Variants in ERC2 observed in about 807,000 individuals in gnomAD.
The protein encoded by ERC2 is ELKS/RAB6-interacting/CAST family member 2, also known as ERC protein 2.
Under a neutral mutation model 114.8 loss-of-function variants are expected in ERC2, and 42 were observed. That is an observed-to-expected ratio of 0.37 (90% confidence interval 0.29 to 0.47). ERC2 has a LOEUF of 0.47. Ranked by LOEUF, ERC2 falls within the 20% of genes least tolerant of loss-of-function variation. The pLI is 0.99. For missense variants in ERC2, 939 were observed against 1,150.7 expected (o/e 0.82, Z 2.66); for synonymous variants, 454 against 425.5 (o/e 1.07, Z -0.82).
chr3:56,361,836 A>C (rs1389729892), intron 2 of ERC2, among the ~76,000 whole-genome samples: 1 of 152,146 alleles, frequency 6.6e-6, no homozygotes, highest in East Asian at 1.9e-4. Context: ...ATACACAGGC[A>C]TGGGTGCCAG....
At chr3:55,756,074 C>A (rs774124703) in intron 14 of ERC2, among the ~76,000 whole-genome samples, 1 of 152,040 alleles carries the variant, frequency 6.6e-6, no homozygotes, top group African/African-American at 2.4e-5. Flanking sequence ...CTGAAAAATA[C>A]GTCAGGCAGA....
At chr3:56,165,448 C>G (rs1244483938) in intron 4 of ERC2, among the ~76,000 whole-genome samples, 2 of 151,128 alleles carry the variant, frequency 1.3e-5, no homozygotes, top group Admixed American at 1.3e-4. Flanking sequence ...TTAGGTATAT[C>G]TCCTAATGCT....
intron 17 of ERC2, among the ~76,000 whole-genome samples, chr3:55,679,987 G>C (rs1427021076): frequency 2.0e-5 from 3 of 152,150 alleles, no homozygotes; most frequent in Non-Finnish European, 4.4e-5. Context: ...CAGAGGGGAG[G>C]CATGGCAGGG....
At chr3:56,126,877 C>T (rs531033093) in intron 6 of ERC2, among the ~76,000 whole-genome samples, 1 of 131,412 alleles carries the variant, frequency 7.6e-6, no homozygotes, top group South Asian at 2.5e-4. Flanking sequence ...CAAGGCAAGG[C>T]AAGGCAAGAA....
intron 2 of ERC2, among the ~76,000 whole-genome samples, chr3:56,379,493 A>G (rs1576670378): frequency 6.6e-6 from 1 of 152,160 alleles, no homozygotes; most frequent in South Asian, 2.1e-4. Flanking sequence ...AGAAGGTACA[A>G]CTGTAATCCC....
At chr3:56,046,313 G>C (rs545294920) in intron 7 of ERC2, among the ~76,000 whole-genome samples, 3 of 152,248 alleles carry the variant, frequency 2.0e-5, no homozygotes, top group South Asian at 2.1e-4. Flanking sequence ...TGCCATTTAG[G>C]AGATACCCAC....
At chr3:55,559,683 C>A (rs908564981) in intron 17 of ERC2, among the ~76,000 whole-genome samples, 8 of 152,220 alleles carry the variant, frequency 5.3e-5, no homozygotes, top group African/African-American at 1.9e-4. Flanking sequence ...AGGACAACAC[C>A]CTCAGTCTAT....
chr3:55,576,116 G>A (rs2056967814), intron 17 of ERC2, among the ~76,000 whole-genome samples: 1 of 152,058 alleles, frequency 6.6e-6, no homozygotes, highest in South Asian at 2.1e-4. Context: ...TTTGAGACCA[G>A]CCTGGCCAAA....
chr3:55,964,515 T>C (rs1354166589), intron 12 of ERC2, among the ~76,000 whole-genome samples: 1 of 151,968 alleles, frequency 6.6e-6, no homozygotes, highest in Admixed American at 6.6e-5. Flanking sequence ...AGTTATACAC[T>C]CTTTAGGATC....
At chr3:56,306,003 C>A (rs1471874754) in intron 2 of ERC2, among the ~76,000 whole-genome samples, 1 of 152,106 alleles carries the variant, frequency 6.6e-6, no homozygotes, top group Non-Finnish European at 1.5e-5. Flanking sequence ...GCATGCACCA[C>A]CATGCTGGCT....
intron 5 of ERC2, among the ~76,000 whole-genome samples, chr3:56,141,414 T>A (rs991309835): frequency 6.6e-6 from 1 of 152,158 alleles, no homozygotes; most frequent in Non-Finnish European, 1.5e-5. Context: ...CACCATGTTC[T>A]AGAAGCTCAA....
At chr3:56,285,854 A>G (rs1319737643) in intron 3 of ERC2, among the ~76,000 whole-genome samples, 1 of 152,194 alleles carries the variant, frequency 6.6e-6, no homozygotes, top group African/African-American at 2.4e-5. Flanking sequence ...AAACACAGGT[A>G]TTTAAAAAGA....
At chr3:56,258,811 A>G (rs1352451240) in intron 3 of ERC2, among the ~76,000 whole-genome samples, 1 of 152,212 alleles carries the variant, frequency 6.6e-6, no homozygotes, top group Admixed American at 6.5e-5. Context: ...CATGTATCAT[A>G]GAGAGTGCCC....
At chr3:56,241,768 C>T (rs1416798872) in intron 3 of ERC2, among the ~76,000 whole-genome samples, 4 of 152,172 alleles carry the variant, frequency 2.6e-5, no homozygotes, top group African/African-American at 4.8e-5. Flanking sequence ...CACTCTAACA[C>T]TAGTTTTACA....
intron 13 of ERC2, among the ~76,000 whole-genome samples, chr3:55,915,739 A>T (rs901761797): frequency 6.6e-6 from 1 of 152,148 alleles, no homozygotes; most frequent in Admixed American, 6.5e-5. Context: ...AACAGCCTCA[A>T]TTAAGATCAT....
intron 16 of ERC2, among the ~76,000 whole-genome samples, chr3:55,694,150 G>T (rs544175097): frequency 1.3e-5 from 2 of 152,218 alleles, no homozygotes; most frequent in Non-Finnish European, 2.9e-5. Flanking sequence ...ACACGTGGTT[G>T]CATAGATGTA....
At chr3:56,108,207 T>A (rs2078771893) in intron 6 of ERC2, among the ~76,000 whole-genome samples, 1 of 152,118 alleles carries the variant, frequency 6.6e-6, no homozygotes, top group African/African-American at 2.4e-5. Context: ...CCTATAAACA[T>A]TTTTAAAGGG....
chr3:55,614,333 A>G (rs1212810913), intron 17 of ERC2, among the ~76,000 whole-genome samples: 1 of 152,220 alleles, frequency 6.6e-6, no homozygotes, highest in Non-Finnish European at 1.5e-5. Context: ...GCCAGGTATC[A>G]GTTGGGGAGG....
intron 13 of ERC2, among the ~76,000 whole-genome samples, chr3:55,895,748 C>T (rs574167976): frequency 6.6e-6 from 1 of 152,286 alleles, no homozygotes; most frequent in Admixed American, 6.5e-5. Context: ...GATTCTGAAA[C>T]ACCCTCCTTT....
Sources: gnomAD v4.1 joint callset for allele counts (sites outside exome capture counted in the v4.1 genomes callset) on GRCh38, gnomAD v4.1.1 for gene constraint, MANE v1.5 for transcripts, NCBI Gene and HGNC (gene_info 2026-07-23, HGNC 2026-07-21) for gene names.